Variants in TSPAN9 observed in about 807,000 individuals in gnomAD.
The protein encoded by TSPAN9 is tetraspanin-9.
Under a neutral mutation model 31.0 loss-of-function variants are expected in TSPAN9, and 16 were observed. The ratio of observed to expected loss-of-function variants is 0.52; its 90% CI spans 0.35 to 0.78. The LOEUF (loss-of-function observed/expected upper bound fraction) is 0.78, where lower values mean the gene tolerates loss of function less well. Ranked by LOEUF, TSPAN9 falls within the 30% of genes least tolerant of loss-of-function variation. The probability of loss-of-function intolerance (pLI) is 0.01; values close to 1 mark genes in which losing one functional copy is unlikely to be tolerated. For missense variants in TSPAN9, 272 were observed against 312.5 expected (o/e 0.87, Z 0.98); for synonymous variants, 145 against 121.6 (o/e 1.19, Z -1.27).
intron 3 of TSPAN9, among the ~76,000 whole-genome samples, chr12:3,276,044 C>G (rs1862780060): frequency 1.3e-5 from 2 of 152,184 alleles, no homozygotes; most frequent in Non-Finnish European, 2.9e-5. Context: ...GAGTCGTCCC[C>G]AGCTCTCAAG....
intron 3 of TSPAN9, among the ~76,000 whole-genome samples, chr12:3,271,510 TAAGA>T (rs1465035757): frequency 1.4e-5 from 2 of 143,988 alleles, no homozygotes; most frequent in Non-Finnish European, 3.0e-5. Flanking sequence ...CTTGCATTAA[TAAGA>T]AAGAATTCCT....
chr12:3,279,128 C>T (rs1862850505), intron 5 of TSPAN9, 62 bp downstream of exon 5: 1 of 1,491,416 alleles, frequency 6.7e-7, no homozygotes, highest in African/African-American at 1.4e-5. Context: ...TTGGGCCAAG[C>T]AGGCCAGGGT....
rs527800634 is a variant in TSPAN9 at position 3,079,213 on chromosome 12, A to C, written c.-85+1760A>C. On this transcript the variant is annotated intron_variant, in intron 1 of 8. Coordinates refer to ENST00000011898, the MANE Select transcript of TSPAN9 (RefSeq NM_006675.5). ...AGGCTGGTCTTGAACTCCTGACCTC[A>C]AGTGATCCACCTGCCTTGGCCTCCC... 3.3e-5 allele frequency among the ~76,000 whole-genome samples: 5 copies of C among 152,306 alleles called. No individual in the cohort carries two copies. The South Asian group carries it at 1.0e-3, about 32-fold the overall frequency.
chr12:3,251,310 G>C (rs578066578), intron 3 of TSPAN9, among the ~76,000 whole-genome samples: 1 of 152,252 alleles, frequency 6.6e-6, no homozygotes, highest in African/African-American at 2.4e-5. Flanking sequence ...CCCCGGTGAT[G>C]AAATCCCCTC....
chr12:3,219,992 T>C (rs2098383482), intron 3 of TSPAN9, among the ~76,000 whole-genome samples: 1 of 151,834 alleles, frequency 6.6e-6, no homozygotes, highest in African/African-American at 2.4e-5. Flanking sequence ...CTGTCTCTAC[T>C]AAAAATACAA....
At chr12:3,084,795 G>A (rs905112255) in intron 2 of TSPAN9, among the ~76,000 whole-genome samples, 5 of 152,196 alleles carry the variant, frequency 3.3e-5, no homozygotes, top group African/African-American at 1.2e-4. Flanking sequence ...AGTGTTAGCC[G>A]GAGCAGGGGC....
chr12:3,133,833 A>G (rs1297392543), intron 2 of TSPAN9, among the ~76,000 whole-genome samples: 2 of 152,316 alleles, frequency 1.3e-5, no homozygotes, highest in South Asian at 2.1e-4. Context: ...TGGCATTAGC[A>G]TCACCTCTTG....
intron 8 of TSPAN9, 74 bp from the exon 9 acceptor site, chr12:3,282,971 C>T (rs2153981212): frequency 6.6e-7 from 1 of 1,520,200 alleles, no homozygotes; most frequent in Non-Finnish European, 9.0e-7. Context: ...CTGTGACATC[C>T]CAAGCCTCTC....
At chr12:3,179,217 G>T (rs923260912) in intron 2 of TSPAN9, among the ~76,000 whole-genome samples, 3 of 152,032 alleles carry the variant, frequency 2.0e-5, no homozygotes, top group Non-Finnish European at 2.9e-5. Context: ...AGACAGGAAG[G>T]CACCTCCCAA....
intron 3 of TSPAN9, among the ~76,000 whole-genome samples, chr12:3,203,687 A>G (rs1343895876): frequency 6.6e-6 from 1 of 152,266 alleles, no homozygotes; most frequent in African/African-American, 2.4e-5. Context: ...TTGAATCTCC[A>G]AGACCCACTT....
chr12:3,268,815 A>G (rs74671481), intron 3 of TSPAN9, among the ~76,000 whole-genome samples: 2,538 of 16,102 alleles, frequency 0.16, 11 homozygotes, highest in Non-Finnish European at 0.2. Flanking sequence ...TGTTCCTGCA[A>G]CCTGCCCTCC....
At chr12:3,122,552 C>T (rs759616724) in intron 2 of TSPAN9, among the ~76,000 whole-genome samples, 18 of 151,944 alleles carry the variant, frequency 1.2e-4, no homozygotes, top group Non-Finnish European at 2.1e-4. Context: ...AGATACCACA[C>T]CTGGCCCTGA....
chr12:3,251,407 C>T (rs746826031), intron 3 of TSPAN9, among the ~76,000 whole-genome samples: 15 of 147,126 alleles, frequency 1.0e-4, no homozygotes, highest in Non-Finnish European at 1.9e-4. Context: ...TGGCAGATCT[C>T]GACTAATGAT....
intron 1 of TSPAN9, among the ~76,000 whole-genome samples, chr12:3,081,842 G>GTATATATATATATA (rs1226231378): frequency 0.041 from 2,318 of 56,250 alleles, 59 homozygotes; most frequent in African/African-American, 0.14. Flanking sequence ...GTGTCTGTGT[G>GTATATATATATATA]TGTATATATA....
chr12:3,265,945 G>A (rs1862528508), intron 3 of TSPAN9, among the ~76,000 whole-genome samples: 1 of 152,158 alleles, frequency 6.6e-6, no homozygotes, highest in Non-Finnish European at 1.5e-5. Context: ...GCCCTGTATG[G>A]CATTTGTGGA....
intron 1 of TSPAN9, among the ~76,000 whole-genome samples, 190 bp from the exon 2 acceptor site, chr12:3,083,463 G>A (rs1013783303): frequency 2.0e-5 from 3 of 152,230 alleles, no homozygotes; most frequent in South Asian, 2.1e-4. Flanking sequence ...TAATGCCTTG[G>A]GTACCCACCG....
intron 2 of TSPAN9, among the ~76,000 whole-genome samples, chr12:3,151,987 C>T (rs1477337729): frequency 2.6e-5 from 4 of 152,174 alleles, no homozygotes; most frequent in Non-Finnish European, 4.4e-5. Flanking sequence ...AACAATCAGG[C>T]GTAAGTAAAT....
At chr12:3,204,599 A>G (rs1400855101) in intron 3 of TSPAN9, among the ~76,000 whole-genome samples, 1 of 152,164 alleles carries the variant, frequency 6.6e-6, no homozygotes, top group African/African-American at 2.4e-5. Flanking sequence ...CACTGTGGGA[A>G]TCTGGGGCCT....
intron 3 of TSPAN9, among the ~76,000 whole-genome samples, chr12:3,236,354 G>T (rs916751174): frequency 3.3e-5 from 5 of 152,172 alleles, no homozygotes; most frequent in African/African-American, 1.2e-4. Context: ...CACTTTACAG[G>T]CATGATTTCC....
Sources: gnomAD v4.1 joint callset for allele counts (sites outside exome capture counted in the v4.1 genomes callset) on GRCh38, gnomAD v4.1.1 for gene constraint, MANE v1.5 for transcripts, NCBI Gene and HGNC (gene_info 2026-07-23, HGNC 2026-07-21) for gene names.